The following EML4 variants were observed in gnomAD, a reference collection of about 807,000 sequenced individuals.
EML4 encodes the protein EMAP like 4.
Under a neutral mutation model 129.0 loss-of-function variants are expected in EML4, and 72 were observed. The ratio of observed to expected loss-of-function variants is 0.56; its 90% CI spans 0.46 to 0.68. EML4 has a LOEUF of 0.68. Ranked by LOEUF, EML4 falls within the 30% of genes least tolerant of loss-of-function variation. The probability of loss-of-function intolerance (pLI) is 0.00; values close to 1 mark genes in which losing one functional copy is unlikely to be tolerated. For synonymous variants in EML4, 532 were observed against 405.0 expected (o/e 1.31, Z -3.77); for missense variants, 1,363 against 1,190.6 (o/e 1.14, Z -2.13).
At chr2:42,296,469 C>T (rs1480650420) in intron 13 of EML4, among the ~76,000 whole-genome samples, 1 of 122,320 alleles carries the variant, frequency 8.2e-6, no homozygotes, top group East Asian at 4.7e-4. Context: ...TGGAACAACA[C>T]CTTATACTTC....
chr2:42,318,966 G>A (rs980880986), intron 19 of EML4, among the ~76,000 whole-genome samples: 2 of 151,900 alleles, frequency 1.3e-5, no homozygotes, highest in Non-Finnish European at 2.9e-5. Flanking sequence ...TCAGCCTCCC[G>A]AAGTGATGAG....
At chr2:42,171,268 T>G (rs766485462) in intron 1 of EML4, among the ~76,000 whole-genome samples, 24 of 152,326 alleles carry the variant, frequency 1.6e-4, no homozygotes, top group Non-Finnish European at 2.2e-4. Flanking sequence ...ATTGAGTGTC[T>G]TCTTAGGGGA....
chr2:42,274,661 T>C (rs1666556372), intron 6 of EML4, among the ~76,000 whole-genome samples: 1 of 152,190 alleles, frequency 6.6e-6, no homozygotes, highest in Non-Finnish European at 1.5e-5. Context: ...GTATGAACCA[T>C]TTTGAAAATA....
intron 6 of EML4, among the ~76,000 whole-genome samples, chr2:42,275,185 A>T (rs569960714): frequency 2.0e-5 from 3 of 152,222 alleles, no homozygotes; most frequent in African/African-American, 7.2e-5. Context: ...TTTTAACTCA[A>T]TGTAGCCAAA....
chr2:42,286,444 G>C, intron 10 of EML4, 65 bp downstream of exon 10: 2 of 996,478 alleles, frequency 2.0e-6, no homozygotes, highest in East Asian at 4.7e-5. Context: ...GTTAAGCTCA[G>C]TTTTGTGTTT....
At chr2:42,180,672 T>A (rs1348165819) in intron 1 of EML4, among the ~76,000 whole-genome samples, 1 of 152,206 alleles carries the variant, frequency 6.6e-6, no homozygotes, top group African/African-American at 2.4e-5. Context: ...ATTTTAGTGT[T>A]TATTTCCTGT....
At chr2:42,278,890 G>A (rs1459289854) in intron 6 of EML4, among the ~76,000 whole-genome samples, 2 of 151,958 alleles carry the variant, frequency 1.3e-5, no homozygotes, top group Non-Finnish European at 2.9e-5. Context: ...GAGCCAAGAT[G>A]GCACCATTGC....
intron 19 of EML4, among the ~76,000 whole-genome samples, chr2:42,319,296 G>A (rs371481855): frequency 6.6e-6 from 1 of 152,168 alleles, no homozygotes; most frequent in Non-Finnish European, 1.5e-5. Context: ...CCAGAAGAGA[G>A]AGCAATGTGT....
chr2:42,265,886 G>C (rs144822916), intron 6 of EML4, among the ~76,000 whole-genome samples: 2 of 152,148 alleles, frequency 1.3e-5, no homozygotes, highest in Admixed American at 6.5e-5. Flanking sequence ...TGGCGAATGC[G>C]TATTTAATTT....
intron 1 of EML4, among the ~76,000 whole-genome samples, chr2:42,208,732 C>CT (rs1672709628): frequency 1.3e-5 from 2 of 151,872 alleles, no homozygotes; most frequent in Admixed American, 1.3e-4. Context: ...TGCACCTGGC[C>CT]TGGAAGCCTA....
intron 6 of EML4, among the ~76,000 whole-genome samples, chr2:42,279,415 T>C (rs1292062069): frequency 2.0e-5 from 3 of 151,954 alleles, no homozygotes; most frequent in Non-Finnish European, 2.9e-5. Context: ...CTACCAGCAG[T>C]GTACAAGGGT....
chr2:42,299,043 T>C (rs1668121892), intron 13 of EML4, among the ~76,000 whole-genome samples: 1 of 152,220 alleles, frequency 6.6e-6, no homozygotes, highest in East Asian at 1.9e-4. Context: ...CTTATCTACC[T>C]ATGCCAGTGA....
intron 1 of EML4, among the ~76,000 whole-genome samples, chr2:42,194,230 A>AG: frequency 6.6e-6 from 1 of 152,202 alleles, no homozygotes; most frequent in East Asian, 1.9e-4. Context: ...CTTTTAAATA[A>AG]GATTAGGCAA....
chr2:42,198,987 C>T (rs1409002205), intron 1 of EML4, among the ~76,000 whole-genome samples: 2 of 152,128 alleles, frequency 1.3e-5, no homozygotes, highest in East Asian at 3.9e-4. Flanking sequence ...GAAAGTATTG[C>T]AGTGAGAGTG....
intron 1 of EML4, among the ~76,000 whole-genome samples, chr2:42,212,943 GT>G (rs1265452941): frequency 1.3e-5 from 2 of 152,170 alleles, no homozygotes; most frequent in African/African-American, 4.8e-5. Context: ...TTGGAAGCCA[GT>G]TTTTGCATTC....
intron 1 of EML4, among the ~76,000 whole-genome samples, chr2:42,234,046 C>T (rs534295440): frequency 6.6e-6 from 1 of 152,354 alleles, no homozygotes; most frequent in South Asian, 2.1e-4. Flanking sequence ...TTTTCTGCTG[C>T]CTAGGGTTTA....
chr2:42,281,599 T>C (rs1667014500), intron 7 of EML4, among the ~76,000 whole-genome samples: 1 of 152,194 alleles, frequency 6.6e-6, no homozygotes, highest in South Asian at 2.1e-4. Context: ...ACCTTAACTT[T>C]CTTTACTTAT....
intron 2 of EML4, among the ~76,000 whole-genome samples, chr2:42,249,004 T>A (rs929520680): frequency 2.0e-5 from 3 of 152,162 alleles, no homozygotes; most frequent in Non-Finnish European, 2.9e-5. Flanking sequence ...TCTGAACAGC[T>A]TTATCTTGGA....
At chr2:42,180,269 G>C (rs1173918346) in intron 1 of EML4, among the ~76,000 whole-genome samples, 1 of 152,172 alleles carries the variant, frequency 6.6e-6, no homozygotes, top group Admixed American at 6.5e-5. Flanking sequence ...TTATCCCTAA[G>C]CCTCAGTTTG....
Sources: gnomAD v4.1 joint callset for allele counts (sites outside exome capture counted in the v4.1 genomes callset) on GRCh38, gnomAD v4.1.1 for gene constraint, MANE v1.5 for transcripts, NCBI Gene and HGNC (gene_info 2026-07-23, HGNC 2026-07-21) for gene names.